Variants in CAMKMT observed in about 807,000 individuals in gnomAD.
CAMKMT encodes the protein CaM KMT.
CAMKMT carries 53 observed loss-of-function variants against 48.0 expected under a neutral mutation model. The ratio of observed to expected loss-of-function variants is 1.10; its 90% confidence interval spans 0.89 to 1.39. The LOEUF is 1.39. Ranked by LOEUF, CAMKMT falls within the 40% of genes most tolerant of loss-of-function variation. The pLI is 0.00. For missense variants in CAMKMT, 428 were observed against 402.7 expected, an observed-to-expected ratio of 1.06 and a Z score of -0.54; for synonymous variants, 165 against 152.3, an observed-to-expected ratio of 1.08 and a Z score of -0.61.
chr2:44,617,638 T>A (rs1416966966), intron 3 of CAMKMT, among the ~76,000 whole-genome samples: 1 of 152,256 alleles, frequency 6.6e-6, no homozygotes, highest in Admixed American at 6.5e-5. Context: ...ATGGGCTCAC[T>A]GAGCCATATT....
chr2:44,732,629 C>T (rs575799617), intron 7 of CAMKMT, among the ~76,000 whole-genome samples: 1 of 152,242 alleles, frequency 6.6e-6, no homozygotes, highest in East Asian at 1.9e-4. Context: ...GTCACCATGC[C>T]CAGCTTGGAG....
intron 3 of CAMKMT, among the ~76,000 whole-genome samples, chr2:44,511,554 G>T (rs1670555530): frequency 1.3e-5 from 2 of 152,218 alleles, no homozygotes; most frequent in Admixed American, 6.5e-5. Flanking sequence ...CTCCCAAAGT[G>T]TTGGGATTAC....
At chr2:44,466,325 A>G (rs1668110621) in intron 3 of CAMKMT, among the ~76,000 whole-genome samples, 1 of 152,182 alleles carries the variant, frequency 6.6e-6, no homozygotes, top group Non-Finnish European at 1.5e-5. Context: ...CACTTTATGT[A>G]TTTTTTCTGA....
intron 8 of CAMKMT, among the ~76,000 whole-genome samples, chr2:44,745,772 T>G (rs1471888580): frequency 6.6e-6 from 1 of 152,178 alleles, no homozygotes; most frequent in Non-Finnish European, 1.5e-5. Flanking sequence ...AATGCTTTGG[T>G]AATGGTCTCT....
rs544618839 is a variant in CAMKMT, at chr2:44,675,039, T to C, written c.377-29244T>C. ...CCTCTCACTCTCCACGAATTTCTTC[T>C]TTTCTGTTTGCAAACATGCTCGGGA... On this transcript the variant is annotated intron_variant, in intron 3 of 10. Coordinates refer to ENST00000378494, the MANE Select transcript of CAMKMT (RefSeq NM_024766.5). Among the ~76,000 whole-genome samples the C allele has an allele frequency of 2.0e-5, 3 of 152,052 alleles. No individual in the cohort carries two copies. The East Asian group carries it at 5.8e-4, about 29-fold the overall frequency.
chr2:44,760,483 T>C (rs1048003207), intron 9 of CAMKMT, among the ~76,000 whole-genome samples: 1 of 148,210 alleles, frequency 6.7e-6, no homozygotes, highest in Non-Finnish European at 1.5e-5. Context: ...TTATGGCGGG[T>C]GCCTGTAGTC....
intron 3 of CAMKMT, among the ~76,000 whole-genome samples, chr2:44,475,840 A>G (rs1340676052): frequency 6.6e-6 from 1 of 152,214 alleles, no homozygotes; most frequent in African/African-American, 2.4e-5. Context: ...ATCAAAATGT[A>G]TCGTTTAGGA....
At chr2:44,431,634 C>T (rs952394668) in intron 3 of CAMKMT, among the ~76,000 whole-genome samples, 5 of 152,112 alleles carry the variant, frequency 3.3e-5, no homozygotes, top group African/African-American at 9.7e-5. Flanking sequence ...CCTAGGTATT[C>T]CCAGTGCAAT....
At chr2:44,428,560 C>G (rs2104529332) in intron 3 of CAMKMT, among the ~76,000 whole-genome samples, 1 of 152,330 alleles carries the variant, frequency 6.6e-6, no homozygotes, top group East Asian at 1.9e-4. Flanking sequence ...AGGGACCCCA[C>G]CCTTTTCTAC....
intron 3 of CAMKMT, among the ~76,000 whole-genome samples, chr2:44,670,658 C>G (rs1241971383): frequency 6.6e-6 from 1 of 151,982 alleles, no homozygotes; most frequent in Non-Finnish European, 1.5e-5. Context: ...GAGACCCTGT[C>G]TCTAAAAAAT....
intron 3 of CAMKMT, among the ~76,000 whole-genome samples, chr2:44,641,608 AGTGCAGTGGTATAAACTT>A (rs1460200462): frequency 6.6e-6 from 1 of 152,024 alleles, no homozygotes; most frequent in African/African-American, 2.4e-5. Context: ...CCCAGGCTGG[AGTGCAGTGGTATAAACTT>A]GGCTCACTGT....
intron 3 of CAMKMT, among the ~76,000 whole-genome samples, chr2:44,476,596 A>C (rs1030144783): frequency 1.3e-5 from 2 of 152,074 alleles, no homozygotes; most frequent in African/African-American, 4.8e-5. Flanking sequence ...GTGTAAAAAA[A>C]AACTTTATAT....
chr2:44,537,322 C>G lies in CAMKMT; in HGVS notation c.376+147017C>G, dbSNP rs187205054. On this transcript the variant is annotated intron_variant, in intron 3 of 10. Coordinates refer to ENST00000378494, the MANE Select transcript of CAMKMT (RefSeq NM_024766.5). ...GAATTCAAACAACTCAACAGTAAAACAAACAAACAAACAGTTCCATTAAAA... is the reference window on the plus strand; with the variant it reads ...GAATTCAAACAACTCAACAGTAAAAGAAACAAACAAACAGTTCCATTAAAA... Among the ~76,000 whole-genome samples, 632 of 152,054 alleles carry G rather than the reference C, an allele frequency of 4.2e-3. 2 individuals carry two copies. Among genetic ancestry groups the G allele is most frequent in the Non-Finnish European group, 6.3e-3 (427 of 67,952 alleles).
intron 3 of CAMKMT, among the ~76,000 whole-genome samples, chr2:44,613,205 G>A (rs144985861): frequency 1.3e-5 from 2 of 152,288 alleles, no homozygotes; most frequent in African/African-American, 4.8e-5. Context: ...ATTAGCATTT[G>A]CCTGTCTACT....
chr2:44,658,561 G>C (rs1033258569), intron 3 of CAMKMT, among the ~76,000 whole-genome samples: 1 of 152,120 alleles, frequency 6.6e-6, no homozygotes, highest in African/African-American at 2.4e-5. Context: ...GCATACTTTG[G>C]AGTCAGACAG....
chr2:44,582,786 C>T (rs982626484), intron 3 of CAMKMT, among the ~76,000 whole-genome samples: 1 of 152,190 alleles, frequency 6.6e-6, no homozygotes, highest in African/African-American at 2.4e-5. Context: ...GTTTCCCTCT[C>T]TGTGAATACC....
At chr2:44,771,827 C>A (rs1403851569) in intron 10 of CAMKMT, among the ~76,000 whole-genome samples, 2 of 152,108 alleles carry the variant, frequency 1.3e-5, no homozygotes, top group African/African-American at 4.8e-5. Flanking sequence ...AAACCCTACC[C>A]ACCCCCACCA....
At chr2:44,466,684 AG>A in intron 3 of CAMKMT, among the ~76,000 whole-genome samples, 1 of 152,300 alleles carries the variant, frequency 6.6e-6, no homozygotes, top group Admixed American at 6.5e-5. Flanking sequence ...ATAAATAAAA[AG>A]AGAATAAAAA....
intron 4 of CAMKMT, chr2:44,705,590 C>T: frequency 1.0e-6 from 1 of 955,122 alleles, no homozygotes; most frequent in South Asian, 4.8e-5. Flanking sequence ...AGCCGCTTTA[C>T]TTTTGAGCTG....
Sources: gnomAD v4.1 joint callset for allele counts (sites outside exome capture counted in the v4.1 genomes callset) on GRCh38, gnomAD v4.1.1 for gene constraint, MANE v1.5 for transcripts, NCBI Gene and HGNC (gene_info 2026-07-23, HGNC 2026-07-21) for gene names.